Variants in PACRG observed in about 807,000 individuals in gnomAD.
The protein encoded by PACRG is parkin coregulated.
Under a neutral mutation model 29.7 loss-of-function variants are expected in PACRG, and 29 were observed. The ratio of observed to expected loss-of-function variants is 0.98; its 90% CI spans 0.73 to 1.33. The LOEUF is 1.33. PACRG is among the 40% of genes most tolerant of loss of function. The pLI is 0.00. For synonymous variants in PACRG, 116 were observed against 118.7 expected (o/e 0.98, Z 0.15); for missense variants, 279 against 316.2 (o/e 0.88, Z 0.89).
chr6:162,910,576 A>G (rs891727182), intron 2 of PACRG, among the ~76,000 whole-genome samples: 3 of 152,244 alleles, frequency 2.0e-5, no homozygotes, highest in Non-Finnish European at 1.5e-5. Flanking sequence ...CACAAAAACC[A>G]TTATATTAAA....
intron 2 of PACRG, among the ~76,000 whole-genome samples, chr6:162,821,734 G>T (rs2128376482): frequency 6.6e-6 from 1 of 152,262 alleles, no homozygotes; most frequent in Middle Eastern, 3.4e-3. Flanking sequence ...GGTCTTTGAT[G>T]AATTTTCTGT....
At chr6:163,271,754 T>C (rs1487184517) in intron 4 of PACRG, among the ~76,000 whole-genome samples, 1 of 152,256 alleles carries the variant, frequency 6.6e-6, no homozygotes, top group Non-Finnish European at 1.5e-5. Context: ...CTGGCAATTG[T>C]TGCTTGTGTA....
At chr6:163,216,206 A>C (rs1469034284) in intron 4 of PACRG, among the ~76,000 whole-genome samples, 1 of 152,178 alleles carries the variant, frequency 6.6e-6, no homozygotes, top group Non-Finnish European at 1.5e-5. Flanking sequence ...CTGCCTTGTC[A>C]TGCACTTTGA....
intron 4 of PACRG, among the ~76,000 whole-genome samples, chr6:163,262,116 CA>C (rs1453489507): frequency 6.6e-6 from 1 of 152,070 alleles, no homozygotes; most frequent in East Asian, 1.9e-4. Flanking sequence ...AAGTAGAGGG[CA>C]AAGCAGAAAA....
intron 4 of PACRG, among the ~76,000 whole-genome samples, chr6:163,151,046 G>C (rs1778066761): frequency 6.6e-6 from 1 of 152,160 alleles, no homozygotes; most frequent in Middle Eastern, 3.4e-3. Flanking sequence ...AGTAAACAAT[G>C]GATGGATTTT....
At chr6:162,815,811 T>G (rs1224330001) in intron 2 of PACRG, among the ~76,000 whole-genome samples, 1 of 152,160 alleles carries the variant, frequency 6.6e-6, no homozygotes, top group Non-Finnish European at 1.5e-5. Context: ...AGATATGTAC[T>G]GGCTCCAAGA....
intron 2 of PACRG, among the ~76,000 whole-genome samples, chr6:162,912,112 G>T (rs1796341407): frequency 6.6e-6 from 1 of 152,182 alleles, no homozygotes; most frequent in Non-Finnish European, 1.5e-5. Flanking sequence ...GGAAAACTGA[G>T]TATGTCCAGC....
At chr6:163,036,857 TATCCATCCATCCATCC>T (rs71008132) in intron 2 of PACRG, among the ~76,000 whole-genome samples, 21,819 of 148,778 alleles carry the variant, frequency 0.15, 1,722 homozygotes, top group East Asian at 0.28. Flanking sequence ...TCCATCCAGC[TATCCATCCATCCATCC>T]ATCCATCCAT....
In PACRG at chr6:163,089,316, A is replaced by T. The variant is rs1813882020; in HGVS notation, c.521A>T (p.His174Leu). Residue 174 changes from histidine to leucine, a missense_variant, in exon 4 of 5, where the codon CAT becomes CTT. Physicochemically the swap from His to Leu is moderately conservative, Grantham distance 99 (BLOSUM62 -3). Transcript: ENST00000366888. ...VICVTLKVLQ[H>L]LVVSAEMVGK... ...TGTGTCACTCTCAAGGTCCTCCAGC[A>T]TCTGGTTGTGTCAGCTGAGATGGTG... 6.2e-7 allele frequency: 1 copy of T among 1,614,028 alleles called. No individual in the cohort carries two copies. Among genetic ancestry groups the T allele is most frequent in the Non-Finnish European group, 8.5e-7 (1 of 1,180,020 alleles).
chr6:162,966,771 CG>C (rs916413611), intron 2 of PACRG, among the ~76,000 whole-genome samples: 6 of 152,064 alleles, frequency 3.9e-5, no homozygotes, highest in African/African-American at 1.4e-4. Context: ...CCCCCGCACC[CG>C]GCCCCGACAT....
intron 1 of PACRG, among the ~76,000 whole-genome samples, chr6:162,742,726 C>G (rs572089031): frequency 6.6e-6 from 1 of 152,086 alleles, no homozygotes; most frequent in African/African-American, 2.4e-5. Context: ...CTTTCTTTAA[C>G]TATTCATCCA....
At chr6:163,146,248 A>T (rs946006350) in intron 4 of PACRG, among the ~76,000 whole-genome samples, 11 of 152,136 alleles carry the variant, frequency 7.2e-5, no homozygotes, top group Admixed American at 6.5e-4. Flanking sequence ...CTTGGCTTTC[A>T]CCACCACTTC....
chr6:162,728,408 A>G lies in PACRG; in HGVS notation c.156+17A>G. The G allele has an allele frequency of 6.2e-7, 1 of 1,607,536 alleles. No individual in the cohort carries two copies. Among genetic ancestry groups the G allele is most frequent in the Non-Finnish European group, 8.5e-7 (1 of 1,179,252 alleles). On this transcript the variant is annotated intron_variant, in intron 1 of 4. Transcript: ENST00000366888. Reference sequence around the variant, plus strand: ...AACTCAGTCGTAAGTGATCTTCCTGAATTAAATGCACTCGCTCTGAATCAG... The same window carrying G: ...AACTCAGTCGTAAGTGATCTTCCTGGATTAAATGCACTCGCTCTGAATCAG...
intron 4 of PACRG, among the ~76,000 whole-genome samples, chr6:163,249,145 T>TCTAGAAACA (rs1483455771): frequency 6.6e-6 from 1 of 152,158 alleles, no homozygotes; most frequent in African/African-American, 2.4e-5. Context: ...GAGAAACATG[T>TCTAGAAACA]TTTGATCATG....
chr6:163,137,369 A>G (rs1193914486), intron 4 of PACRG, among the ~76,000 whole-genome samples: 3 of 151,850 alleles, frequency 2.0e-5, no homozygotes, highest in Non-Finnish European at 4.4e-5. Flanking sequence ...GCCCTGCTTT[A>G]TTGTTCGCTT....
intron 2 of PACRG, among the ~76,000 whole-genome samples, chr6:162,814,797 G>T (rs1000641070): frequency 6.6e-6 from 1 of 152,170 alleles, no homozygotes. Flanking sequence ...AAGCGCGATG[G>T]CTGTCACACG....
chr6:163,136,525 A>G (rs1056223198), intron 4 of PACRG, among the ~76,000 whole-genome samples: 2 of 152,200 alleles, frequency 1.3e-5, no homozygotes, highest in African/African-American at 4.8e-5. Context: ...ATCTCCATTA[A>G]TTTAGAATTT....
At chr6:163,278,591 A>G (rs1784131964) in intron 4 of PACRG, among the ~76,000 whole-genome samples, 1 of 152,146 alleles carries the variant, frequency 6.6e-6, no homozygotes, top group Non-Finnish European at 1.5e-5. Context: ...TGAATAGGGT[A>G]TCCTTTCCCC....
At chr6:163,096,309 T>G (rs1488450920) in intron 4 of PACRG, among the ~76,000 whole-genome samples, 1 of 152,140 alleles carries the variant, frequency 6.6e-6, no homozygotes, top group Admixed American at 6.5e-5. Flanking sequence ...TGAGGCTGGT[T>G]CACCTGGGCC....
Sources: allele counts gnomAD v4.1 joint callset (sites outside exome capture counted in the v4.1 genomes callset), GRCh38; gene constraint gnomAD v4.1.1; transcripts MANE v1.5; gene names NCBI Gene and HGNC (gene_info 2026-07-23, HGNC 2026-07-21).